Variants in KCNQ2 observed in about 807,000 individuals in gnomAD.
KCNQ2 encodes the protein potassium voltage-gated channel subfamily KQT member 2.
In KCNQ2, 14 loss-of-function variants were observed where a neutral mutation model predicts 84.8. The observed-to-expected ratio is 0.17, with a 90% CI of 0.11 to 0.26. The LOEUF (loss-of-function observed/expected upper bound fraction) is 0.26. KCNQ2 is among the 10% of genes least tolerant of loss of function. The pLI is 1.00. For synonymous variants in KCNQ2, 599 were observed against 554.1 expected (o/e 1.08, Z -1.14); for missense variants, 788 against 1,254.0 (o/e 0.63, Z 5.61).
intron 1 of KCNQ2, among the ~76,000 whole-genome samples, chr20:63,465,614 CAG>C (rs1429983921): frequency 1.3e-5 from 2 of 152,228 alleles, no homozygotes; most frequent in Admixed American, 6.5e-5. Flanking sequence ...GAGCCATTTC[CAG>C]AGAGTTCCTC....
Position 63,428,425 on chromosome 20 carries a change from G to T in KCNQ2, c.1159C>A (p.Pro387Thr). ...QTYGASRLIP[P>T]LNQLELLRNL... Reference sequence around the variant, plus strand: ...CTCAGCAGCTCCAGCTGGTTCAGCGGGGGGATAAGTCTGGGGCAAGAGAAG... The same window carrying T: ...CTCAGCAGCTCCAGCTGGTTCAGCGTGGGGATAAGTCTGGGGCAAGAGAAG... Residue 387 changes from proline (P) to threonine (T), a missense_variant, in exon 10 of 17, where the codon CCG becomes ACG. By Grantham distance (38) the Pro-to-Thr change is conservative. Around this residue, in one of 8 missense-constraint regions of KCNQ2, gnomAD observed 202 missense variants for 239.4 expected, o/e 0.84. Transcript: ENST00000359125. 1.3e-6 allele frequency: 2 copies of T among 1,589,870 alleles called. No individual in the cohort carries two copies. Among genetic ancestry groups the T allele is most frequent in the East Asian group, 2.3e-5 (1 of 44,160 alleles).
At chr20:63,469,784 C>T (rs1388938220) in intron 1 of KCNQ2, among the ~76,000 whole-genome samples, 1 of 152,358 alleles carries the variant, frequency 6.6e-6, no homozygotes, top group East Asian at 1.9e-4. Flanking sequence ...CTGCCTAACA[C>T]GCCACACGGG....
At chr20:63,455,285 A>G (rs1306370736) in intron 1 of KCNQ2, among the ~76,000 whole-genome samples, 1 of 152,224 alleles carries the variant, frequency 6.6e-6, no homozygotes, top group Non-Finnish European at 1.5e-5. Context: ...CAAGGAGATA[A>G]GGCAAGTAGC....
intron 1 of KCNQ2, among the ~76,000 whole-genome samples, chr20:63,462,935 G>C (rs1397766470): frequency 6.6e-6 from 1 of 152,300 alleles, no homozygotes; most frequent in Non-Finnish European, 1.5e-5. Flanking sequence ...CGCATGCAGA[G>C]AACGGCTCCA....
intron 15 of KCNQ2, among the ~76,000 whole-genome samples, chr20:63,409,449 C>A (rs1568867064): frequency 6.6e-6 from 1 of 152,244 alleles, no homozygotes; most frequent in Admixed American, 6.5e-5. Flanking sequence ...AGTCTGGTAT[C>A]CACAGAGTCA....
chr20:63,414,986 G>A lies in KCNQ2; in HGVS notation c.1442C>T (p.Pro481Leu). 1 of 1,611,882 alleles carries A rather than the reference G, an allele frequency of 6.2e-7. No homozygotes were observed. The highest frequency in any genetic ancestry group is 1.3e-5 in the African/African-American group (1 of 75,012). The change falls in exon 13 of 17, where the codon CCC becomes CTC. Residue 481 changes from proline to leucine, a missense_variant. By Grantham distance (98) the Pro-to-Leu change is moderately conservative (BLOSUM62 -3). Around this residue, in one of 8 missense-constraint regions of KCNQ2, gnomAD observed 202 missense variants for 239.4 expected, o/e 0.84. Transcript: ENST00000359125. The surrounding 1 kb of genome is among the most constrained non-coding windows in gnomAD (Gnocchi z 6.6). ...GCGGTCCCCGAAGCTCCAGCTCTTG[G>A]GCACCTTGCTGGGGCTGTCCTCGAG... Reference protein sequence around the residue: ...QSLEDSPSKVPKSWSFGDRSR... With the variant: ...QSLEDSPSKVLKSWSFGDRSR...
intron 15 of KCNQ2, among the ~76,000 whole-genome samples, chr20:63,409,570 A>T (rs1431230313): frequency 6.6e-6 from 1 of 152,232 alleles, no homozygotes; most frequent in Non-Finnish European, 1.5e-5. Context: ...ACAAAAGCCC[A>T]GCTGGACAAG....
At chr20:63,462,887 G>A (rs761309055) in intron 1 of KCNQ2, among the ~76,000 whole-genome samples, 1 of 152,188 alleles carries the variant, frequency 6.6e-6, no homozygotes, top group Non-Finnish European at 1.5e-5. Flanking sequence ...AAAGAAGTGA[G>A]TGAACACACA....
At chr20:63,442,327 G>C (rs994161634) in intron 5 of KCNQ2, 79 bp downstream of exon 5, 3 of 1,576,504 alleles carry the variant, frequency 1.9e-6, no homozygotes, top group South Asian at 1.1e-5. Flanking sequence ...AGCAGGCTCA[G>C]CCAGTGAGAG....
At chr20:63,418,529 G>T (rs2145581504) in intron 12 of KCNQ2, among the ~76,000 whole-genome samples, 1 of 152,314 alleles carries the variant, frequency 6.6e-6, no homozygotes, top group South Asian at 2.1e-4. Context: ...GCCCTGGGTT[G>T]TTCTCTGGCC....
In KCNQ2 at chr20:63,439,552, C is replaced by T. The variant is rs1017433564; in HGVS notation, c.927+46G>A. Reference sequence around the variant, plus strand: ...GGCCTGTGGTCACCTCGGGAGCCTACAAGACCTCGTCCCCCTCCAAGGCAG... The same window carrying T: ...GGCCTGTGGTCACCTCGGGAGCCTATAAGACCTCGTCCCCCTCCAAGGCAG... On this transcript the variant is annotated intron_variant, in intron 6 of 16. Coordinates refer to ENST00000359125, the MANE Select transcript of KCNQ2 (RefSeq NM_172107.4). 6 of 1,450,850 alleles carry T rather than the reference C, an allele frequency of 4.1e-6. No homozygotes were observed. In the African/African-American group the frequency reaches 7.0e-5, roughly 17 times the overall value. The allele number at this position is 1,450,850 out of a possible 1,614,324, so 89.9% of individuals were successfully genotyped here. A position where few individuals can be genotyped will look rare whatever the true frequency, so the allele number is the denominator to read the frequency against.
At chr20:63,443,313 TC>T (rs1568937160) in intron 4 of KCNQ2, among the ~76,000 whole-genome samples, 1,268 of 28,354 alleles carry the variant, frequency 0.045, 24 homozygotes, top group Middle Eastern at 0.071. Flanking sequence ...ATCACCATCA[TC>T]ACCACCACCA....
At chr20:63,443,415 T>C (rs1323044624) in intron 4 of KCNQ2, among the ~76,000 whole-genome samples, 6,430 of 18,144 alleles carry the variant, frequency 0.35, 894 homozygotes, top group African/African-American at 0.51. Flanking sequence ...ACCATCACCA[T>C]CACCACCATC....
chr20:63,420,180 G>A lies in KCNQ2; in HGVS notation c.1248-508C>T, dbSNP rs922772158. On this transcript the variant is annotated intron_variant, in intron 11 of 16. Coordinates refer to ENST00000359125, the MANE Select transcript of KCNQ2 (RefSeq NM_172107.4). ...GAGGTGGGTCTCGGTTTACCCAGGAGGCGTGGCTGCCACTGCAGGCATGGC... is the reference window on the plus strand; with the variant it reads ...GAGGTGGGTCTCGGTTTACCCAGGAAGCGTGGCTGCCACTGCAGGCATGGC... Among the ~76,000 whole-genome samples the A allele has an allele frequency of 3.3e-5, 5 of 152,348 alleles. No individual in the cohort carries two copies. The East Asian group carries it at 9.7e-4, about 29-fold the overall frequency.
At chr20:63,442,701 T>TCACCACCACCAC (rs1455961784) in intron 4 of KCNQ2, among the ~76,000 whole-genome samples, 170 bp from the exon 5 acceptor site, 3 of 48,122 alleles carry the variant, frequency 6.2e-5, no homozygotes, top group Admixed American at 2.1e-4. Flanking sequence ...ATCACCACCA[T>TCACCACCACCAC]CACCATCACC....
chr20:63,461,388 C>T (rs1222244337), intron 1 of KCNQ2, among the ~76,000 whole-genome samples: 1 of 152,168 alleles, frequency 6.6e-6, no homozygotes, highest in Non-Finnish European at 1.5e-5. Flanking sequence ...CCAGCAGCCA[C>T]CCCCCACCGA....
intron 1 of KCNQ2, chr20:63,463,664 G>C (rs2145880026): frequency 6.6e-6 from 1 of 152,304 alleles, no homozygotes; most frequent in East Asian, 1.9e-4. Context: ...GGCAGAAACT[G>C]GCCTTTTGCT....
intron 4 of KCNQ2, among the ~76,000 whole-genome samples, 200 bp from the exon 5 acceptor site, chr20:63,442,731 C>T (rs1156728133): frequency 5.2e-5 from 2 of 38,620 alleles, no homozygotes; most frequent in African/African-American, 1.1e-4. Context: ...ACCATCATCA[C>T]CACCTCCACC....
At position 63,444,910 on chromosome 20, in the gene KCNQ2, G is replaced by A. The variant is rs2297386; in HGVS notation, c.515-76C>T. 64,464 of 1,439,556 alleles carry A rather than the reference G, an allele frequency of 0.045. 2,817 individuals carry two copies. Among genetic ancestry groups the A allele is most frequent in the Admixed American group, 0.18 (8,096 of 43,816 alleles). 89.2% of individuals were successfully genotyped at this position (1,439,556 alleles called of 1,614,324 possible). ...CCTTGGAGAAAACTCCCCACCCCGC[G>A]TTCCAGGAGGATGTGCAGAGGGGCG... is the stretch of plus-strand genomic sequence containing the variant. On this transcript the variant is annotated intron_variant, in intron 3 of 16. Coordinates refer to ENST00000359125, the MANE Select transcript of KCNQ2 (RefSeq NM_172107.4).
Sources: allele counts gnomAD v4.1 joint callset (sites outside exome capture counted in the v4.1 genomes callset), GRCh38; gene constraint gnomAD v4.1.1; regional missense constraint gnomAD v4.1.1; non-coding constraint Gnocchi (gnomAD v3.1); transcripts MANE v1.5; gene names NCBI Gene and HGNC (gene_info 2026-07-23, HGNC 2026-07-21).